ARSB: variants seen among roughly 807,000 people sequenced by gnomAD.
The protein encoded by ARSB is arylsulfatase B.
In ARSB, 41 loss-of-function variants were observed where a neutral mutation model predicts 50.9. The ratio of observed to expected loss-of-function variants is 0.81; its 90% CI spans 0.63 to 1.04. The LOEUF is 1.04. ARSB is among the 50% of genes least tolerant of loss of function. The pLI, the probability that ARSB is intolerant of heterozygous loss-of-function variation, is 0.00. For synonymous variants in ARSB, 269 were observed against 284.8 expected, an observed-to-expected ratio of 0.94 and a Z score of 0.56; for missense variants, 672 against 693.3, an observed-to-expected ratio of 0.97 and a Z score of 0.35.
chr5:78,872,141 G>C (rs969721513), intron 5 of ARSB, among the ~76,000 whole-genome samples: 1 of 147,654 alleles, frequency 6.8e-6, no homozygotes, highest in South Asian at 2.2e-4. Context: ...AGTTAGAACG[G>C]TAATCATTAA....
At chr5:78,844,707 G>A (rs554357767) in intron 5 of ARSB, among the ~76,000 whole-genome samples, 2 of 152,108 alleles carry the variant, frequency 1.3e-5, no homozygotes, top group Non-Finnish European at 2.9e-5. Flanking sequence ...TTTTGTGTAT[G>A]CTGTGAGGTA....
At chr5:78,870,059 T>C (rs1265599420) in intron 5 of ARSB, among the ~76,000 whole-genome samples, 2 of 127,818 alleles carry the variant, frequency 1.6e-5, no homozygotes, top group African/African-American at 5.6e-5. Context: ...AACTAGAAAA[T>C]CTAGAAGAAA....
chr5:78,874,322 A>G (rs185161017), intron 5 of ARSB, among the ~76,000 whole-genome samples: 10 of 152,336 alleles, frequency 6.6e-5, no homozygotes, highest in African/African-American at 2.4e-4. Flanking sequence ...TTGTGGATAA[A>G]GAGAGAACAG....
At chr5:78,901,085 A>G (rs1235866415) in intron 4 of ARSB, among the ~76,000 whole-genome samples, 2 of 150,002 alleles carry the variant, frequency 1.3e-5, no homozygotes, top group Admixed American at 6.6e-5. Context: ...TGATGGTTGA[A>G]TCCTTTTCAT....
chr5:78,868,570 T>C (rs1029427072), intron 5 of ARSB, among the ~76,000 whole-genome samples: 22 of 141,368 alleles, frequency 1.6e-4, no homozygotes, highest in African/African-American at 5.6e-4. Flanking sequence ...CTAAGCTTCA[T>C]AAGTGAAGGA....
intron 1 of ARSB, among the ~76,000 whole-genome samples, chr5:78,982,422 A>G (rs182957325): frequency 9.8e-5 from 15 of 152,362 alleles, no homozygotes; most frequent in African/African-American, 3.1e-4. Context: ...GAATGACCCA[A>G]ATGTCCAAAA....
chr5:78,862,851 AC>A (rs1746511322), intron 5 of ARSB, among the ~76,000 whole-genome samples: 1 of 152,250 alleles, frequency 6.6e-6, no homozygotes, highest in Non-Finnish European at 1.5e-5. Flanking sequence ...TTTACAATTT[AC>A]CCATGTAACA....
At chr5:78,954,800 C>T (rs56387853) in intron 4 of ARSB, among the ~76,000 whole-genome samples, 40,470 of 152,104 alleles carry the variant, frequency 0.27, 6,692 homozygotes, top group African/African-American at 0.47. Context: ...CCACCGCGCC[C>T]GGCCCCAAAA....
intron 4 of ARSB, among the ~76,000 whole-genome samples, chr5:78,906,305 C>T (rs572439870): frequency 6.6e-6 from 1 of 152,250 alleles, no homozygotes; most frequent in African/African-American, 2.4e-5. Flanking sequence ...TGTACTCCAG[C>T]CTGGGCAACA....
Position 78,823,700 on chromosome 5 carries a change from C to A in ARSB, c.1213+15656G>T, listed in dbSNP as rs1016882043. 4.6e-5 allele frequency among the ~76,000 whole-genome samples: 7 copies of A among 152,124 alleles called. No individual in the cohort carries two copies. In the East Asian group the frequency reaches 1.3e-3, roughly 29 times the overall value. ...AACCAGGAACAAAAGGAAAAGAGAC[C>A]AAGCTTCTGTGATGAGCTCTAAAAT... On this transcript the variant is annotated intron_variant, in intron 6 of 7. Transcript: ENST00000264914.
intron 5 of ARSB, among the ~76,000 whole-genome samples, chr5:78,869,499 A>C (rs1325434679): frequency 1.4e-5 from 2 of 138,938 alleles, no homozygotes; most frequent in Admixed American, 7.3e-5. Flanking sequence ...AGAACTCAGG[A>C]TTAAGAATCT....
chr5:78,964,657 C>A (rs1416374404), intron 2 of ARSB, 51 bp from the exon 3 acceptor site: 1 of 1,549,270 alleles, frequency 6.5e-7, no homozygotes, highest in Admixed American at 1.7e-5. Context: ...ACTTGTTAAA[C>A]AAACTAATGT....
intron 6 of ARSB, among the ~76,000 whole-genome samples, chr5:78,793,553 G>A (rs915001885): frequency 1.3e-5 from 2 of 152,182 alleles, no homozygotes; most frequent in Admixed American, 6.5e-5. Flanking sequence ...CCAACTGCTC[G>A]GGAATCAGAG....
intron 6 of ARSB, among the ~76,000 whole-genome samples, chr5:78,807,145 A>G (rs950608192): frequency 6.6e-6 from 1 of 152,220 alleles, no homozygotes; most frequent in South Asian, 2.1e-4. Context: ...CAAGAAAAAA[A>G]TCCACTCTGA....
intron 4 of ARSB, among the ~76,000 whole-genome samples, chr5:78,937,347 A>G (rs1750664335): frequency 7.4e-6 from 1 of 134,732 alleles, no homozygotes; most frequent in Non-Finnish European, 1.6e-5. Context: ...AGATATATAT[A>G]TCATATATAT....
chr5:78,862,393 C>A (rs1182565415), intron 5 of ARSB, among the ~76,000 whole-genome samples: 1 of 152,146 alleles, frequency 6.6e-6, no homozygotes, highest in East Asian at 1.9e-4. Context: ...ACCAAAACAG[C>A]ATGGTACTGG....
chr5:78,931,727 T>C (rs1457890236), intron 4 of ARSB, among the ~76,000 whole-genome samples: 1 of 152,064 alleles, frequency 6.6e-6, no homozygotes, highest in African/African-American at 2.4e-5. Context: ...GTTTGTCCTA[T>C]GCTGATTGGT....
intron 4 of ARSB, among the ~76,000 whole-genome samples, chr5:78,891,996 T>C (rs563811722): frequency 3.9e-5 from 6 of 152,226 alleles, no homozygotes; most frequent in Admixed American, 3.9e-4. Flanking sequence ...TTTCCTTATT[T>C]GAGAAATGAG....
intron 5 of ARSB, among the ~76,000 whole-genome samples, chr5:78,863,813 T>C (rs926367734): frequency 2.0e-5 from 3 of 152,120 alleles, no homozygotes; most frequent in African/African-American, 7.2e-5. Flanking sequence ...GGCTACTGAT[T>C]GTTGTTCCTA....
Sources: allele counts gnomAD v4.1 joint callset (sites outside exome capture counted in the v4.1 genomes callset), GRCh38; gene constraint gnomAD v4.1.1; transcripts MANE v1.5; gene names NCBI Gene and HGNC (gene_info 2026-07-23, HGNC 2026-07-21).